The following SUPT3H variants were observed in gnomAD, a reference collection of about 807,000 sequenced individuals.
SUPT3H encodes the protein transcription initiation protein SPT3 homolog.
Under a neutral mutation model 44.3 loss-of-function variants are expected in SUPT3H, and 44 were observed. The observed-to-expected ratio is 0.99, with a 90% CI of 0.78 to 1.28. The LOEUF (loss-of-function observed/expected upper bound fraction) is 1.28. Among genes scored for constraint, SUPT3H ranks in the 50% most tolerant of loss-of-function variants. SUPT3H has a pLI of 0.00. For missense variants in SUPT3H, 380 were observed against 387.1 expected (o/e 0.98, Z 0.15); for synonymous variants, 124 against 125.6 (o/e 0.99, Z 0.09).
chr6:45,212,900 T>A (rs1342522568), intron 2 of SUPT3H, among the ~76,000 whole-genome samples: 1 of 152,188 alleles, frequency 6.6e-6, no homozygotes, highest in Non-Finnish European at 1.5e-5. Context: ...TCAAAAATTA[T>A]ACAAGGTTGT....
At chr6:44,854,345 C>T (rs1178014741) in intron 10 of SUPT3H, among the ~76,000 whole-genome samples, 1 of 152,132 alleles carries the variant, frequency 6.6e-6, no homozygotes, top group African/African-American at 2.4e-5. Context: ...GGTCTCCTTG[C>T]TTCTCTTCTG....
intron 2 of SUPT3H, among the ~76,000 whole-genome samples, chr6:45,268,742 T>A (rs752416446): frequency 2.0e-5 from 3 of 152,152 alleles, no homozygotes; most frequent in Non-Finnish European, 4.4e-5. Flanking sequence ...CAAAACTAAA[T>A]GTTAGATAAC....
intron 3 of SUPT3H, among the ~76,000 whole-genome samples, chr6:45,039,203 A>G (rs2153528751): frequency 1.3e-5 from 2 of 152,280 alleles, no homozygotes; most frequent in Middle Eastern, 3.4e-3. Flanking sequence ...ACATTGGATC[A>G]AGAAACAGGA....
chr6:45,327,103 T>A (rs564025976), intron 2 of SUPT3H, among the ~76,000 whole-genome samples: 1 of 152,072 alleles, frequency 6.6e-6, no homozygotes, highest in East Asian at 1.9e-4. Context: ...GAAAATGAGT[T>A]CTATACATAC....
intron 2 of SUPT3H, among the ~76,000 whole-genome samples, chr6:45,234,530 C>CGAAAAA (rs1768714259): frequency 7.9e-6 from 1 of 126,962 alleles, no homozygotes. Flanking sequence ...GACGCTGTCA[C>CGAAAAA]AAAAAAAAAA....
intron 10 of SUPT3H, among the ~76,000 whole-genome samples, chr6:44,840,509 A>G (rs185964506): frequency 2.0e-4 from 31 of 152,356 alleles, no homozygotes; most frequent in Non-Finnish European, 3.5e-4. Flanking sequence ...ATCAAAGTCT[A>G]AAATTTGTAA....
chr6:44,943,186 T>C (rs1390900061), intron 9 of SUPT3H, among the ~76,000 whole-genome samples: 1 of 148,438 alleles, frequency 6.7e-6, no homozygotes, highest in South Asian at 2.1e-4. Context: ...AAATGGAAAC[T>C]ATAAAAAATC....
chr6:45,314,059 C>T (rs561568224), intron 2 of SUPT3H, among the ~76,000 whole-genome samples: 2 of 152,212 alleles, frequency 1.3e-5, no homozygotes, highest in South Asian at 2.1e-4. Flanking sequence ...TCATCTCAAT[C>T]GATGCAGAAA....
chr6:45,303,475 T>G (rs1170058728), intron 2 of SUPT3H, among the ~76,000 whole-genome samples: 1 of 152,002 alleles, frequency 6.6e-6, no homozygotes, highest in East Asian at 1.9e-4. Context: ...TGAACAATTT[T>G]CAAAAGAAGA....
chr6:45,231,894 T>C (rs1406218413), intron 2 of SUPT3H, among the ~76,000 whole-genome samples: 1 of 152,160 alleles, frequency 6.6e-6, no homozygotes, highest in Non-Finnish European at 1.5e-5. Flanking sequence ...GAGTGTATTT[T>C]GTATTTCATA....
intron 3 of SUPT3H, among the ~76,000 whole-genome samples, chr6:45,073,213 T>C (rs1047650826): frequency 6.6e-6 from 1 of 152,042 alleles, no homozygotes; most frequent in South Asian, 2.1e-4. Context: ...TCAAACAATA[T>C]AATGAAACCT....
intron 2 of SUPT3H, among the ~76,000 whole-genome samples, chr6:45,169,309 C>A (rs1447816776): frequency 6.6e-6 from 1 of 151,976 alleles, no homozygotes; most frequent in Non-Finnish European, 1.5e-5. Context: ...ATAATGCAAA[C>A]CAATTCTTCT....
intron 2 of SUPT3H, among the ~76,000 whole-genome samples, chr6:45,265,390 T>C (rs1351844694): frequency 6.6e-6 from 1 of 152,134 alleles, no homozygotes; most frequent in African/African-American, 2.4e-5. Flanking sequence ...AACTTTGTCC[T>C]GTCAAACAGA....
At chr6:45,220,021 C>T (rs1422202447) in intron 2 of SUPT3H, among the ~76,000 whole-genome samples, 6 of 111,474 alleles carry the variant, frequency 5.4e-5, no homozygotes, top group African/African-American at 1.8e-4. Flanking sequence ...CCTGGGTGAC[C>T]GAGAGAGAGA....
intron 2 of SUPT3H, among the ~76,000 whole-genome samples, chr6:45,158,305 T>A (rs867843614): frequency 0.13 from 16,238 of 121,168 alleles, 1,832 homozygotes; most frequent in Non-Finnish European, 0.2. Context: ...TATATTTTTT[T>A]TTTTTTTTTT....
At chr6:45,089,604 C>T (rs1376528795) in intron 3 of SUPT3H, among the ~76,000 whole-genome samples, 4 of 152,018 alleles carry the variant, frequency 2.6e-5, no homozygotes, top group African/African-American at 9.7e-5. Flanking sequence ...ATATCTCTGA[C>T]TTGCTCTCCC....
chr6:44,971,222 C>T lies in SUPT3H; in HGVS notation c.505-9394G>A, dbSNP rs55956116. Among the ~76,000 whole-genome samples, 1,312 of 152,278 alleles carry T rather than the reference C, an allele frequency of 8.6e-3. 24 individuals carry two copies. Among genetic ancestry groups the T allele is most frequent in the African/African-American group, 0.03 (1,236 of 41,564 alleles). ...TTCAATCAGCTCTATCTTTAAAATA[C>T]AACTAAAATAAACCACTTTCATCAC... On this transcript the variant is annotated intron_variant, in intron 6 of 10. Coordinates refer to ENST00000371459, the MANE Select transcript of SUPT3H (RefSeq NM_003599.4).
rs181020669 is a variant in SUPT3H at position 45,317,299 on chromosome 6, A to C, written c.101+47902T>G. On this transcript the variant is annotated intron_variant, in intron 2 of 10. Transcript: ENST00000371459. ...ACTACCCAAAGTGACCTAAAGACTG[A>C]ATGCAATCTTTATCTAATGACACTT... Among the ~76,000 whole-genome samples the C allele has an allele frequency of 1.8e-3, 267 of 151,718 alleles. 2 individuals carry two copies. Among genetic ancestry groups the C allele is most frequent in the African/African-American group, 6.0e-3 (250 of 41,386 alleles).
rs1453503807 is a variant in SUPT3H at position 45,117,827 on chromosome 6, C to T, written c.102-11821G>A. Reference sequence around the variant, plus strand: ...CATTAGTTTCTTCACAAAGGGCTTTCGCTTGAATCAGGAAGTATATAAGAC... The same window carrying T: ...CATTAGTTTCTTCACAAAGGGCTTTTGCTTGAATCAGGAAGTATATAAGAC... On this transcript the variant is annotated intron_variant, in intron 2 of 10. Transcript: ENST00000371459. Among the ~76,000 whole-genome samples, 4 of 152,128 alleles carry T rather than the reference C, an allele frequency of 2.6e-5. No homozygotes were observed. The East Asian group carries it at 5.8e-4, about 22-fold the overall frequency.
Sources: gnomAD v4.1 joint callset for allele counts (sites outside exome capture counted in the v4.1 genomes callset) on GRCh38, gnomAD v4.1.1 for gene constraint, MANE v1.5 for transcripts, NCBI Gene and HGNC (gene_info 2026-07-23, HGNC 2026-07-21) for gene names.